The following AIMP2 variants were observed in gnomAD, a reference collection of about 807,000 sequenced individuals.
The protein encoded by AIMP2 is aminoacyl tRNA synthase complex-interacting multifunctional protein 2.
A neutral mutation model predicts 23.4 loss-of-function variants in AIMP2; 20 were observed. The observed-to-expected ratio is 0.85, with a 90% confidence interval of 0.60 to 1.24. AIMP2 has a LOEUF of 1.24. AIMP2 is among the 50% of genes most tolerant of loss of function. The probability of loss-of-function intolerance (pLI) is 0.00; values close to 1 mark genes in which losing one functional copy is unlikely to be tolerated. For synonymous variants in AIMP2, 210 were observed against 170.4 expected (o/e 1.23, Z -1.81); for missense variants, 515 against 414.5 (o/e 1.24, Z -2.10).
chr7:6,011,249 A>G lies in AIMP2; in HGVS notation c.135+1751A>G, dbSNP rs369853531. Among the ~76,000 whole-genome samples the G allele has an allele frequency of 9.9e-5, 15 of 152,216 alleles. No homozygotes were observed. The East Asian group carries it at 2.9e-3, about 29-fold the overall frequency. The stretch of plus-strand genomic sequence containing the variant: ...TTCCACTCTATTAAATTGTTTTCCA[A>G]AGTTATACTGGTTTATGCGCTCGCT... On this transcript the variant is annotated intron_variant, in intron 1 of 3. Transcript: ENST00000223029.
At chr7:6,011,849 A>G (rs1256505170) in intron 1 of AIMP2, among the ~76,000 whole-genome samples, 1 of 152,122 alleles carries the variant, frequency 6.6e-6, no homozygotes, top group Non-Finnish European at 1.5e-5. Flanking sequence ...ATTTGTTTTT[A>G]AGTCTGCTGC....
At chr7:6,019,295 C>T (rs958077247) in intron 3 of AIMP2, among the ~76,000 whole-genome samples, 25 of 150,600 alleles carry the variant, frequency 1.7e-4, no homozygotes, top group African/African-American at 5.4e-4. Context: ...CTGGCTAACA[C>T]GGTGAAACCC....
chr7:6,013,255 ATT>A (rs71008349), intron 1 of AIMP2: 5,562 of 116,868 alleles, frequency 0.048, 214 homozygotes, highest in East Asian at 0.3. Context: ...ACAATATCTG[ATT>A]TTTTTTTTTT....
chr7:6,014,146 T>A (rs2128877501), intron 1 of AIMP2, among the ~76,000 whole-genome samples: 1 of 152,216 alleles, frequency 6.6e-6, no homozygotes, highest in Middle Eastern at 3.4e-3. Flanking sequence ...GAACTACAAA[T>A]TGTGTTCATT....
Position 6,019,765 on chromosome 7 carries a change from TGTAATC to T in AIMP2, c.574+1721_574+1726del, listed in dbSNP as rs1277635707. ...TTGGTCGGGCACAGTGGCTCACGCC[TGTAATC>T]CCAGAACTTTGGGAGAACGAGGAGG... On this transcript the variant is annotated intron_variant, in intron 3 of 3. Transcript: ENST00000223029. Among the ~76,000 whole-genome samples the T allele has an allele frequency of 4.6e-5, 7 of 152,114 alleles. No homozygotes were observed. In the East Asian group the frequency reaches 1.4e-3, roughly 29 times the overall value.
At chr7:6,010,975 C>G (rs976061788) in intron 1 of AIMP2, among the ~76,000 whole-genome samples, 2 of 152,080 alleles carry the variant, frequency 1.3e-5, no homozygotes, top group African/African-American at 4.8e-5. Flanking sequence ...GCCCTGGCTT[C>G]TTTTTCGTAG....
In AIMP2 at chr7:6,009,380, T is replaced by G; in HGVS notation, c.17T>G (p.Val6Gly). The G allele has an allele frequency of 6.2e-7, 1 of 1,611,774 alleles. No homozygotes were observed. Among genetic ancestry groups the G allele is most frequent in the East Asian group, 2.2e-5 (1 of 44,858 alleles). The stretch of plus-strand genomic sequence containing the variant: ...GGTTCTGCCATGCCGATGTACCAGG[T>G]AAAGCCCTATCACGGGGGCGGCGCG... The part of the protein sequence containing the change: MPMYQ[V>G]KPYHGGGAPL... Residue 6 changes from valine (V) to glycine (G), a missense_variant, in exon 1 of 4, where the codon GTA becomes GGA. Transcript: ENST00000223029.
rs750066868 is a variant in AIMP2 at position 6,009,509 on chromosome 7, G to A, written c.135+11G>A. 27 of 1,502,768 alleles carry A rather than the reference G, an allele frequency of 1.8e-5. No homozygotes were observed. Among genetic ancestry groups the A allele is most frequent in the Non-Finnish European group, 2.3e-5 (26 of 1,134,150 alleles). The allele number at this position is 1,502,768 out of a possible 1,614,324, so 93.1% of individuals were successfully genotyped here. Reference sequence around the variant, plus strand: ...GCTGGCCACGTGCAGGTAGGAGCGCGGGGCCCCCCGCCCAGTGCGCACGCG... The same window carrying A: ...GCTGGCCACGTGCAGGTAGGAGCGCAGGGCCCCCCGCCCAGTGCGCACGCG... On this transcript the variant is annotated intron_variant, in intron 1 of 3. Coordinates refer to ENST00000223029, the MANE Select transcript of AIMP2 (RefSeq NM_006303.4).
intron 1 of AIMP2, among the ~76,000 whole-genome samples, chr7:6,011,317 C>A (rs1021914255): frequency 7.9e-5 from 12 of 152,128 alleles, no homozygotes; most frequent in African/African-American, 2.9e-4. Context: ...ATGTTTGCAC[C>A]CTGCCCAAAG....
chr7:6,011,943 G>A (rs760807336), intron 1 of AIMP2, among the ~76,000 whole-genome samples: 5 of 152,202 alleles, frequency 3.3e-5, no homozygotes, highest in African/African-American at 9.6e-5. Context: ...ATAACAATGC[G>A]GACAAATAAT....
Position 6,023,251 on chromosome 7 carries a change from C to A in AIMP2, c.575-52C>A, listed in dbSNP as rs1787567578. The A allele has an allele frequency of 7.2e-6, 11 of 1,525,792 alleles. 1 individual carries two copies. The South Asian group carries it at 1.4e-4, about 20-fold the overall frequency. 94.5% of individuals were successfully genotyped at this position (1,525,792 alleles called of 1,614,324 possible). ...TGTCCCCTTCCCCACTGTGCGAGTA[C>A]TTCCCTCAGGGCTGCTCTGGTGATG... On this transcript the variant is annotated intron_variant, in intron 3 of 3. Transcript: ENST00000223029.
chr7:6,020,460 C>T (rs1038738195), intron 3 of AIMP2, among the ~76,000 whole-genome samples: 5 of 152,048 alleles, frequency 3.3e-5, no homozygotes, highest in African/African-American at 1.2e-4. Flanking sequence ...ATGTGGGGTG[C>T]AGGATTACTG....
Position 6,009,479 on chromosome 7 carries a change from C to G in AIMP2, c.116C>G (p.Pro39Arg). 1.3e-6 allele frequency: 2 copies of G among 1,579,168 alleles called. No individual in the cohort carries two copies. Among genetic ancestry groups the G allele is most frequent in the Non-Finnish European group, 1.7e-6 (2 of 1,167,004 alleles). The part of the protein sequence containing the change: ...NVHGRSYGPA[P>R]GAGHVQEESN... ...CACGGCAGGAGCTACGGCCCAGCGCCGGGCGCTGGCCACGTGCAGGTAGGA... is the reference window on the plus strand; with the variant it reads ...CACGGCAGGAGCTACGGCCCAGCGCGGGGCGCTGGCCACGTGCAGGTAGGA... Residue 39 changes from proline (P) to arginine (R), a missense_variant, in exon 1 of 4, where the codon CCG becomes CGG. Physicochemically the swap from Pro to Arg is moderately radical, Grantham distance 103. Coordinates refer to ENST00000223029, the MANE Select transcript of AIMP2 (RefSeq NM_006303.4).
Position 6,019,484 on chromosome 7 carries a change from CAAAA to C in AIMP2, c.574+1455_574+1458del, listed in dbSNP as rs71008351. On this transcript the variant is annotated intron_variant, in intron 3 of 3. Coordinates refer to ENST00000223029, the MANE Select transcript of AIMP2 (RefSeq NM_006303.4). The stretch of plus-strand genomic sequence containing the variant: ...TGGGCGACACAGCAAGACTCCGTCT[CAAAA>C]AAAAAAAAAAAAAAAGAGATCTCTT... Among the ~76,000 whole-genome samples the C allele has an allele frequency of 9.5e-3, 1,060 of 111,922 alleles. 11 individuals are homozygous for C. Among genetic ancestry groups the C allele is most frequent in the African/African-American group, 0.033 (1,011 of 30,366 alleles). The allele number at this position is 111,922 out of a possible 152,430, so 73.4% of individuals were successfully genotyped here. A position where few individuals can be genotyped will look rare whatever the true frequency, so the allele number is the denominator to read the frequency against.
At chr7:6,018,812 C>T (rs1016120934) in intron 3 of AIMP2, among the ~76,000 whole-genome samples, 2 of 150,848 alleles carry the variant, frequency 1.3e-5, no homozygotes, top group Admixed American at 6.6e-5. Flanking sequence ...CCAGCCTGGG[C>T]GACAGAACGA....
Position 6,009,512 on chromosome 7 carries a change from G to GGC in AIMP2, c.135+14_135+15insGC, listed in dbSNP as rs1554310254. On this transcript the variant is annotated intron_variant, in intron 1 of 3. Transcript: ENST00000223029. ...GGCCACGTGCAGGTAGGAGCGCGGG[G>GGC]CCCCCCGCCCAGTGCGCACGCGCGG... The GGC allele has an allele frequency of 3.4e-6, 5 of 1,474,416 alleles. No individual in the cohort carries two copies. Among genetic ancestry groups the GGC allele is most frequent in the Non-Finnish European group, 4.5e-6 (5 of 1,120,294 alleles). 91.3% of individuals were successfully genotyped at this position (1,474,416 alleles called of 1,614,324 possible). A position where few individuals can be genotyped will look rare whatever the true frequency, so the allele number is the denominator to read the frequency against.
Position 6,015,298 on chromosome 7 carries a change from T to TG in AIMP2, c.289dup (p.Glu97GlyfsTer48). 1 of 1,614,196 alleles carries TG rather than the reference T, an allele frequency of 6.2e-7. No homozygotes were observed. Among genetic ancestry groups the TG allele is most frequent in the Non-Finnish European group, 8.5e-7 (1 of 1,180,032 alleles). On this transcript the variant is annotated frameshift_variant, in exon 2 of 4. Coordinates refer to ENST00000223029, the MANE Select transcript of AIMP2 (RefSeq NM_006303.4). LOFTEE classifies it high-confidence loss of function. ...ATGTAACCAACATAATCCAAGCGGA[T>TG]GAGCCCACGACTTTAACCACCAATG...
chr7:6,011,754 T>A (rs1213780121), intron 1 of AIMP2, among the ~76,000 whole-genome samples: 3 of 152,188 alleles, frequency 2.0e-5, no homozygotes, highest in African/African-American at 7.2e-5. Flanking sequence ...ACCCTCCAAC[T>A]GCACAGTCCC....
intron 3 of AIMP2, among the ~76,000 whole-genome samples, chr7:6,021,163 CTA>C (rs1318008650): frequency 2.0e-5 from 3 of 152,130 alleles, no homozygotes; most frequent in Admixed American, 2.0e-4. Flanking sequence ...ACACAGTACT[CTA>C]TGAAATTGTC....
Sources: allele counts gnomAD v4.1 joint callset (sites outside exome capture counted in the v4.1 genomes callset), GRCh38; gene constraint gnomAD v4.1.1; transcripts MANE v1.5; gene names NCBI Gene and HGNC (gene_info 2026-07-23, HGNC 2026-07-21).